Variants in DPP10 observed in about 807,000 individuals in gnomAD.
DPP10 encodes the protein inactive dipeptidyl peptidase 10.
A neutral mutation model predicts 120.9 loss-of-function variants in DPP10; 33 were observed. The observed-to-expected ratio is 0.27, with a 90% CI of 0.21 to 0.37. The LOEUF is 0.37. Among genes scored for constraint, DPP10 ranks in the 10% least tolerant of loss-of-function variants. DPP10 has a pLI of 1.00. For missense variants in DPP10, 816 were observed against 942.8 expected (o/e 0.87, Z 1.76); for synonymous variants, 337 against 326.1 (o/e 1.03, Z -0.36).
At chr2:115,203,572 A>G (rs1474554589) in intron 1 of DPP10, among the ~76,000 whole-genome samples, 1 of 152,098 alleles carries the variant, frequency 6.6e-6, no homozygotes, top group Non-Finnish European at 1.5e-5. Flanking sequence ...TATCCTATTT[A>G]CAGCTTCATC....
chr2:114,639,276 G>C (rs529818326), intron 1 of DPP10, among the ~76,000 whole-genome samples: 1 of 151,970 alleles, frequency 6.6e-6, no homozygotes, highest in South Asian at 2.1e-4. Flanking sequence ...AAAACCATCA[G>C]ATCTCATGAC....
intron 1 of DPP10, among the ~76,000 whole-genome samples, chr2:114,625,198 T>C (rs796680789): frequency 9.2e-5 from 14 of 152,074 alleles, no homozygotes; most frequent in African/African-American, 3.1e-4. Flanking sequence ...ATTTTGTTGT[T>C]GTATTGTTGA....
At chr2:114,545,974 C>T (rs555208030) in intron 1 of DPP10, among the ~76,000 whole-genome samples, 18 of 152,152 alleles carry the variant, frequency 1.2e-4, no homozygotes, top group African/African-American at 3.6e-4. Context: ...AAACAGATTC[C>T]TGGTTTATAT....
At chr2:114,951,501 C>T (rs569685307) in intron 1 of DPP10, among the ~76,000 whole-genome samples, 23 of 152,186 alleles carry the variant, frequency 1.5e-4, no homozygotes, top group African/African-American at 5.3e-4. Context: ...TTCATTCCCA[C>T]GTTGCTTCCA....
At chr2:115,448,145 G>A (rs2072783912) in intron 3 of DPP10, among the ~76,000 whole-genome samples, 1 of 152,130 alleles carries the variant, frequency 6.6e-6, no homozygotes, top group African/African-American at 2.4e-5. Flanking sequence ...GAACGGTGAA[G>A]TTTTGGAAAA....
intron 3 of DPP10, among the ~76,000 whole-genome samples, chr2:115,376,922 G>A (rs1278396599): frequency 2.0e-5 from 3 of 147,436 alleles, no homozygotes; most frequent in African/African-American, 5.0e-5. Context: ...TGGTGTATAT[G>A]TGCCACATTT....
intron 1 of DPP10, among the ~76,000 whole-genome samples, chr2:115,020,839 T>C (rs1226963957): frequency 6.6e-6 from 1 of 152,080 alleles, no homozygotes; most frequent in Non-Finnish European, 1.5e-5. Flanking sequence ...CACAGTCGAA[T>C]ACAATTGGAA....
rs200633884 is a variant in DPP10 at position 115,717,605 on chromosome 2, A to AT, written c.577-10211_577-10210insT. 5.5e-3 allele frequency among the ~76,000 whole-genome samples: 842 copies of AT among 152,178 alleles called. 14 individuals carry two copies. Among genetic ancestry groups the AT allele is most frequent in the African/African-American group, 0.019 (805 of 41,522 alleles). On this transcript the variant is annotated intron_variant, in intron 7 of 25. Coordinates refer to ENST00000410059, the MANE Select transcript of DPP10 (RefSeq NM_020868.6). The stretch of plus-strand genomic sequence containing the variant: ...AACAAATGTTAGTTCTCAAAAAAAA[A>AT]ATATATATGTATGTATATAAGTTCT...
At chr2:114,903,064 T>G (rs1041825984) in intron 1 of DPP10, among the ~76,000 whole-genome samples, 1 of 152,252 alleles carries the variant, frequency 6.6e-6, no homozygotes, top group African/African-American at 2.4e-5. Context: ...TGTAGACTTT[T>G]TATTGGCTTC....
chr2:114,472,369 G>C (rs1679991916), intron 1 of DPP10, among the ~76,000 whole-genome samples: 1 of 152,128 alleles, frequency 6.6e-6, no homozygotes, highest in African/African-American at 2.4e-5. Flanking sequence ...ATTTCAATGG[G>C]GGCAGAGAAA....
intron 5 of DPP10, among the ~76,000 whole-genome samples, chr2:115,630,375 C>T (rs1053180052): frequency 3.3e-5 from 5 of 152,036 alleles, no homozygotes; most frequent in Non-Finnish European, 7.4e-5. Flanking sequence ...GACTTCCTCT[C>T]TTCCTACCTG....
chr2:115,239,936 C>T (rs905572069), intron 1 of DPP10, among the ~76,000 whole-genome samples: 18 of 152,144 alleles, frequency 1.2e-4, no homozygotes, highest in African/African-American at 3.9e-4. Context: ...ATGAACTCAT[C>T]CTTTTTTATG....
rs541453025 is a variant in DPP10, at chr2:114,809,970, C to A, written c.60+367132C>A. 2.1e-4 allele frequency among the ~76,000 whole-genome samples: 32 copies of A among 152,214 alleles called. 1 individual carries two copies. In the South Asian group the frequency reaches 6.6e-3, roughly 32 times the overall value. Reference sequence around the variant, plus strand: ...TATACTCAAAACTCCAATTGTATATCCAGCCCCATCTTCTTTTTGGAGTGG... The same window carrying A: ...TATACTCAAAACTCCAATTGTATATACAGCCCCATCTTCTTTTTGGAGTGG... On this transcript the variant is annotated intron_variant, in intron 1 of 25. Transcript: ENST00000410059.
At chr2:115,791,573 G>T (rs556475807) in intron 19 of DPP10, among the ~76,000 whole-genome samples, 1 of 152,240 alleles carries the variant, frequency 6.6e-6, no homozygotes, top group African/African-American at 2.4e-5. Context: ...CATGGAGTTT[G>T]GTGCTACTGC....
intron 3 of DPP10, among the ~76,000 whole-genome samples, chr2:115,428,534 G>A (rs1383840910): frequency 6.6e-6 from 1 of 152,086 alleles, no homozygotes; most frequent in African/African-American, 2.4e-5. Flanking sequence ...ATGGTGAGAT[G>A]AGGGGTTCAG....
chr2:114,897,871 G>A, intron 1 of DPP10, among the ~76,000 whole-genome samples: 1 of 151,826 alleles, frequency 6.6e-6, no homozygotes, highest in East Asian at 1.9e-4. Context: ...AGGATGTGGA[G>A]AAATAGGAAC....
At chr2:114,727,893 A>C (rs1228986699) in intron 1 of DPP10, among the ~76,000 whole-genome samples, 1 of 152,208 alleles carries the variant, frequency 6.6e-6, no homozygotes, top group Non-Finnish European at 1.5e-5. Flanking sequence ...TGCGGTCAGC[A>C]CATCACTTAA....
chr2:115,304,002 C>T (rs945004971), intron 1 of DPP10, among the ~76,000 whole-genome samples: 1 of 151,932 alleles, frequency 6.6e-6, no homozygotes, highest in Non-Finnish European at 1.5e-5. Context: ...AATATAGAAA[C>T]TCTTAAAATA....
chr2:115,072,352 T>C (rs1707435606), intron 1 of DPP10, among the ~76,000 whole-genome samples: 1 of 152,248 alleles, frequency 6.6e-6, no homozygotes, highest in Non-Finnish European at 1.5e-5. Context: ...TCTTGGCTTA[T>C]ATTTTATTCA....
Sources: allele counts gnomAD v4.1 joint callset (sites outside exome capture counted in the v4.1 genomes callset), GRCh38; gene constraint gnomAD v4.1.1; transcripts MANE v1.5; gene names NCBI Gene and HGNC (gene_info 2026-07-23, HGNC 2026-07-21).